GRM5: variants seen among roughly 807,000 people sequenced by gnomAD.
The protein encoded by GRM5 is metabotropic glutamate receptor 5.
A neutral mutation model predicts 83.1 loss-of-function variants in GRM5; 19 were observed. The observed-to-expected ratio is 0.23, with a 90% CI of 0.16 to 0.34. The LOEUF is 0.34. Among genes scored for constraint, GRM5 ranks in the 10% least tolerant of loss-of-function variants. The pLI is 1.00. For missense variants in GRM5, 1,160 were observed against 1,588.3 expected, an observed-to-expected ratio of 0.73 and a Z score of 4.58; for synonymous variants, 675 against 633.6, an observed-to-expected ratio of 1.07 and a Z score of -0.98.
intron 2 of GRM5, among the ~76,000 whole-genome samples, chr11:89,012,782 G>A (rs189775614): frequency 1.4e-4 from 22 of 152,244 alleles, no homozygotes; most frequent in Admixed American, 1.4e-3. Context: ...AGCCCAAATC[G>A]TCAAAGAGCA....
At chr11:88,551,611 G>T (rs1352304139) in intron 8 of GRM5, among the ~76,000 whole-genome samples, 1 of 152,106 alleles carries the variant, frequency 6.6e-6, no homozygotes, top group Non-Finnish European at 1.5e-5. Flanking sequence ...ATACATTTTA[G>T]TAGATTTTAG....
At chr11:88,609,229 A>G (rs1203138515) in intron 4 of GRM5, among the ~76,000 whole-genome samples, 2 of 152,204 alleles carry the variant, frequency 1.3e-5, no homozygotes, top group African/African-American at 4.8e-5. Context: ...GCCCACTTAT[A>G]AATGAGAACA....
intron 1 of GRM5, among the ~76,000 whole-genome samples, chr11:89,059,636 G>A (rs1205314530): frequency 6.6e-6 from 1 of 152,010 alleles, no homozygotes; most frequent in Non-Finnish European, 1.5e-5. Context: ...ATAAAGATAA[G>A]ACACAATCCA....
At chr11:88,877,951 C>T (rs528746543) in intron 2 of GRM5, among the ~76,000 whole-genome samples, 3 of 151,894 alleles carry the variant, frequency 2.0e-5, no homozygotes, top group Non-Finnish European at 4.4e-5. Flanking sequence ...CACATGTATA[C>T]ATATGTAACT....
intron 2 of GRM5, among the ~76,000 whole-genome samples, chr11:89,020,312 A>G (rs1233988116): frequency 6.6e-6 from 1 of 152,236 alleles, no homozygotes; most frequent in Non-Finnish European, 1.5e-5. Context: ...TCCAACATTA[A>G]TAATATGTCA....
At chr11:88,752,506 T>C (rs1435935501) in intron 3 of GRM5, among the ~76,000 whole-genome samples, 2 of 152,232 alleles carry the variant, frequency 1.3e-5, no homozygotes. Context: ...ATAATCAATA[T>C]TGTGAAAATG....
intron 3 of GRM5, among the ~76,000 whole-genome samples, chr11:88,740,713 T>C (rs962150611): frequency 1.3e-5 from 2 of 151,984 alleles, no homozygotes; most frequent in African/African-American, 2.4e-5. Flanking sequence ...TCAGGAGTAG[T>C]TTTTCTCTCT....
intron 3 of GRM5, among the ~76,000 whole-genome samples, chr11:88,763,659 ATTAAAG>A (rs1459167265): frequency 2.0e-5 from 3 of 151,976 alleles, no homozygotes; most frequent in East Asian, 1.9e-4. Context: ...TATTAAAGTT[ATTAAAG>A]TTAAACAGGT....
chr11:88,928,650 T>C (rs1410769302), intron 2 of GRM5, among the ~76,000 whole-genome samples: 1 of 151,904 alleles, frequency 6.6e-6, no homozygotes, highest in Non-Finnish European at 1.5e-5. Flanking sequence ...TTATAAGTTT[T>C]GCCAAAACAC....
chr11:88,759,147 G>C (rs1476691958), intron 3 of GRM5, among the ~76,000 whole-genome samples: 1 of 152,044 alleles, frequency 6.6e-6, no homozygotes, highest in Admixed American at 6.6e-5. Flanking sequence ...ACACAGACCA[G>C]TGACACTATA....
In GRM5 at chr11:88,722,173, C is replaced by T. The variant is rs143870633; in HGVS notation, c.912-68770G>A. Among the ~76,000 whole-genome samples, 19 of 152,266 alleles carry T rather than the reference C, an allele frequency of 1.2e-4. No individual in the cohort carries two copies. The East Asian group carries it at 3.7e-3, about 29-fold the overall frequency. ...AATTAACACCTGTGCATTTAGCCTG[C>T]AACCATATTTGGCATTATGTTTGGT... On this transcript the variant is annotated intron_variant, in intron 3 of 9. Transcript: ENST00000305447.
chr11:88,727,516 T>C (rs1941710828), intron 3 of GRM5, among the ~76,000 whole-genome samples: 1 of 152,144 alleles, frequency 6.6e-6, no homozygotes, highest in Non-Finnish European at 1.5e-5. Context: ...GGATTTGAAC[T>C]CAGCTCTGGA....
At chr11:88,869,103 TGAAGCAGATG>T (rs1944719852) in intron 2 of GRM5, among the ~76,000 whole-genome samples, 1 of 151,762 alleles carries the variant, frequency 6.6e-6, no homozygotes, top group African/African-American at 2.4e-5. Flanking sequence ...AGTTTTGCTC[TGAAGCAGATG>T]GAAGCAGCCA....
intron 7 of GRM5, among the ~76,000 whole-genome samples, chr11:88,571,450 A>T (rs773922229): frequency 5.7e-4 from 87 of 152,318 alleles, no homozygotes; most frequent in Non-Finnish European, 1.1e-3. Flanking sequence ...AAGAATAGCA[A>T]ACTGGACTCT....
At chr11:88,946,489 C>A (rs925660011) in intron 2 of GRM5, among the ~76,000 whole-genome samples, 4 of 152,006 alleles carry the variant, frequency 2.6e-5, no homozygotes, top group African/African-American at 9.7e-5. Context: ...AATCCAGGTG[C>A]CCATTAAAAT....
intron 3 of GRM5, among the ~76,000 whole-genome samples, chr11:88,702,750 G>T (rs1430977601): frequency 1.3e-5 from 2 of 151,990 alleles, no homozygotes; most frequent in Admixed American, 6.6e-5. Flanking sequence ...GGCTGTTTTT[G>T]TGTGGTCATA....
At chr11:88,970,865 A>T (rs1253361427) in intron 2 of GRM5, among the ~76,000 whole-genome samples, 1 of 152,098 alleles carries the variant, frequency 6.6e-6, no homozygotes, top group Non-Finnish European at 1.5e-5. Flanking sequence ...CAGGGAAATG[A>T]AATTTTGGGG....
chr11:88,601,602 G>A (rs1938000530), intron 5 of GRM5, among the ~76,000 whole-genome samples: 1 of 152,034 alleles, frequency 6.6e-6, no homozygotes, highest in African/African-American at 2.4e-5. Flanking sequence ...TTTTGCCGTT[G>A]TTTTCAAATA....
intron 3 of GRM5, among the ~76,000 whole-genome samples, chr11:88,707,067 C>A (rs562320458): frequency 1.3e-5 from 2 of 152,024 alleles, no homozygotes; most frequent in Non-Finnish European, 2.9e-5. Context: ...ATTTCTGAGT[C>A]CCTCCAGGAG....
Sources: gnomAD v4.1 joint callset for allele counts (sites outside exome capture counted in the v4.1 genomes callset) on GRCh38, gnomAD v4.1.1 for gene constraint, MANE v1.5 for transcripts, NCBI Gene and HGNC (gene_info 2026-07-23, HGNC 2026-07-21) for gene names.